CFAP418: variants seen among roughly 807,000 people sequenced by gnomAD.
The protein encoded by CFAP418 is cilia and flagella associated protein 418, also known as cilia- and flagella-associated protein 418.
CFAP418 carries 27 observed loss-of-function variants against 24.7 expected under a neutral mutation model. That is an observed-to-expected ratio of 1.09 (90% CI 0.81 to 1.51). The LOEUF is 1.51. CFAP418 is among the 40% of genes most tolerant of loss of function. CFAP418 has a pLI of 0.00. For synonymous variants in CFAP418, 74 were observed against 87.3 expected, an observed-to-expected ratio of 0.85 and a Z score of 0.85; for missense variants, 257 against 255.2, an observed-to-expected ratio of 1.01 and a Z score of -0.05.
intron 4 of CFAP418, among the ~76,000 whole-genome samples, chr8:95,252,769 A>G (rs1811728876): frequency 6.6e-6 from 1 of 152,218 alleles, no homozygotes; most frequent in African/African-American, 2.4e-5. Context: ...ACAACTTGGC[A>G]TAATGCATTC....
intron 4 of CFAP418, among the ~76,000 whole-genome samples, chr8:95,258,571 A>G (rs1470063056): frequency 1.3e-5 from 2 of 152,122 alleles, no homozygotes; most frequent in Non-Finnish European, 2.9e-5. Flanking sequence ...GGTTAATATT[A>G]TTAAAGACAT....
Position 95,255,772 on chromosome 8 carries a change from T to C in CFAP418, c.375-3489A>G, listed in dbSNP as rs527698542. 2.6e-5 allele frequency among the ~76,000 whole-genome samples: 4 copies of C among 152,346 alleles called. No homozygotes were observed. In the South Asian group the frequency reaches 8.3e-4, roughly 32 times the overall value. On this transcript the variant is annotated intron_variant, in intron 4 of 5. Coordinates refer to ENST00000286688, the MANE Select transcript of CFAP418 (RefSeq NM_177965.4). ...GAGGTAAAAATTCTTGATCAGCATCTTGGGTTTTTCTCTTGTGGAGCAGGT... is the reference window on the plus strand; with the variant it reads ...GAGGTAAAAATTCTTGATCAGCATCCTGGGTTTTTCTCTTGTGGAGCAGGT...
chr8:95,261,857 T>C (rs1811898907), intron 2 of CFAP418, among the ~76,000 whole-genome samples: 1 of 152,236 alleles, frequency 6.6e-6, no homozygotes, highest in Admixed American at 6.5e-5. Flanking sequence ...TGCACCCTAT[T>C]GGTACTTAAT....
chr8:95,247,416 A>G lies in CFAP418; in HGVS notation c.*201T>C. 3.5e-6 allele frequency: 2 copies of G among 571,972 alleles called. No homozygotes were observed. The highest frequency in any genetic ancestry group is 3.4e-5 in the Admixed American group (1 of 29,496). The allele number at this position is 571,972 out of a possible 1,614,324, so 35.4% of individuals were successfully genotyped here. A position where few individuals can be genotyped will look rare whatever the true frequency, so the allele number is the denominator to read the frequency against. On this transcript the variant is annotated 3_prime_UTR_variant, in exon 6 of 6. Coordinates refer to ENST00000286688, the MANE Select transcript of CFAP418 (RefSeq NM_177965.4). ...CTGTTACTAAGTGAAACATCCATGT[A>G]TCAGGAATAATTCCAAAGTGTTATA...
chr8:95,265,066 T>G (rs931356307), intron 1 of CFAP418, among the ~76,000 whole-genome samples: 4 of 152,218 alleles, frequency 2.6e-5, no homozygotes, highest in Non-Finnish European at 5.9e-5. Context: ...GTGCTAATCC[T>G]AGGCGGGGGT....
intron 5 of CFAP418, 24 bp downstream of exon 5, chr8:95,252,164 G>T: frequency 6.5e-7 from 1 of 1,549,510 alleles, no homozygotes; most frequent in Non-Finnish European, 8.9e-7. Context: ...ACTTTTTTCA[G>T]AGTGAAGTTC....
chr8:95,265,120 C>T (rs997449890), intron 1 of CFAP418, among the ~76,000 whole-genome samples: 4 of 152,056 alleles, frequency 2.6e-5, no homozygotes, highest in Admixed American at 2.6e-4. Context: ...AGATAATTCT[C>T]TGGGGTGTGT....
rs775635185 is a variant in CFAP418, at chr8:95,269,130, G to T, written c.60C>A (p.Asp20Glu). The change falls in exon 1 of 6, where the codon GAC becomes GAA. Residue 20 changes from aspartate to glutamate, a missense_variant. Physicochemically the swap from Asp to Glu is conservative, Grantham distance 45. Coordinates refer to ENST00000286688, the MANE Select transcript of CFAP418 (RefSeq NM_177965.4). The stretch of plus-strand genomic sequence containing the variant: ...GCTCGACCATACCCCGTCTTAGAAG[G>T]TCAGGTGTGCAAAACTTGGACTCGA... ...DEVESKFCTP[D>E]LLRRGMVEQP... is the part of the protein sequence containing the mutation. 1.2e-6 allele frequency: 2 copies of T among 1,614,134 alleles called. No individual in the cohort carries two copies. Among genetic ancestry groups the T allele is most frequent in the African/African-American group, 2.7e-5 (2 of 74,944 alleles).
At chr8:95,268,877 C>G in intron 1 of CFAP418, 158 bp downstream of exon 1, 1 of 753,666 alleles carries the variant, frequency 1.3e-6, no homozygotes, top group Non-Finnish European at 2.2e-6. Context: ...TCGACGAATG[C>G]GCTGCCGCGG....
At position 95,245,744 on chromosome 8, in the gene CFAP418, A is replaced by G. The variant is rs1324746397; in HGVS notation, c.*1873T>C. On this transcript the variant is annotated 3_prime_UTR_variant, in exon 6 of 6. Coordinates refer to ENST00000286688, the MANE Select transcript of CFAP418 (RefSeq NM_177965.4). The stretch of plus-strand genomic sequence containing the variant: ...CAGAGTGACACTCCATCTCAAAAAA[A>G]AAATTTTTTTTTTCAAATTAGTGAT... 6.6e-6 allele frequency: 1 copy of G among 152,316 alleles called. No individual in the cohort carries two copies. Among genetic ancestry groups the G allele is most frequent in the African/African-American group, 2.4e-5 (1 of 41,566 alleles). 9.4% of individuals were successfully genotyped at this position (152,316 alleles called of 1,614,324 possible).
intron 4 of CFAP418, 147 bp downstream of exon 4, chr8:95,259,692 TA>T: frequency 2.9e-6 from 2 of 681,530 alleles, no homozygotes; most frequent in Non-Finnish European, 5.1e-6. Context: ...CTCCCAAGAA[TA>T]AAAAACAAAG....
At chr8:95,267,316 CACTG>C (rs201872420) in intron 1 of CFAP418, among the ~76,000 whole-genome samples, 2,530 of 152,264 alleles carry the variant, frequency 0.017, 42 homozygotes, top group Non-Finnish European at 0.019. Context: ...AAATAAATGT[CACTG>C]ACTGGGCACG....
intron 2 of CFAP418, among the ~76,000 whole-genome samples, chr8:95,261,577 A>G (rs1158047031): frequency 6.6e-6 from 1 of 152,164 alleles, no homozygotes; most frequent in Non-Finnish European, 1.5e-5. Flanking sequence ...ACGTTGGCAT[A>G]GACTATCTGT....
intron 4 of CFAP418, 123 bp downstream of exon 4, chr8:95,259,717 G>A: frequency 1.4e-6 from 1 of 726,560 alleles, no homozygotes; most frequent in East Asian, 2.9e-5. Flanking sequence ...TCTTAGATTA[G>A]CTAATAAAAA....
chr8:95,263,192 T>C (rs1228409355), intron 2 of CFAP418, among the ~76,000 whole-genome samples: 2 of 152,174 alleles, frequency 1.3e-5, no homozygotes, highest in African/African-American at 4.8e-5. Context: ...GTGGCTGTCA[T>C]GGTATGTTCA....
intron 1 of CFAP418, among the ~76,000 whole-genome samples, chr8:95,265,661 C>T (rs1199877919): frequency 6.6e-6 from 1 of 152,194 alleles, no homozygotes; most frequent in Non-Finnish European, 1.5e-5. Context: ...TTTCAAGAAT[C>T]AGATACATCC....
chr8:95,259,802 A>G (rs1336126203), intron 4 of CFAP418, 38 bp downstream of exon 4: 2 of 1,500,952 alleles, frequency 1.3e-6, no homozygotes, highest in East Asian at 2.3e-5. Context: ...TTTGGAAAAA[A>G]CCTAGTAAGA....
chr8:95,265,157 T>C (rs1811956673), intron 1 of CFAP418, among the ~76,000 whole-genome samples: 1 of 152,064 alleles, frequency 6.6e-6, no homozygotes, highest in Admixed American at 6.5e-5. Flanking sequence ...CTGTTGTATA[T>C]TGCAGGACAT....
chr8:95,245,630 T>G lies in CFAP418; in HGVS notation c.*1987A>C, dbSNP rs1430486859. 6.6e-6 allele frequency: 1 copy of G among 152,080 alleles called. No individual in the cohort carries two copies. Among genetic ancestry groups the G allele is most frequent in the Non-Finnish European group, 1.5e-5 (1 of 68,042 alleles). 9.4% of individuals were successfully genotyped at this position (152,080 alleles called of 1,614,324 possible). A position where few individuals can be genotyped will look rare whatever the true frequency, so the allele number is the denominator to read the frequency against. ...GGTGTGTGCCTGTAATCCCAGCTAC[T>G]GGGGAGGCTGAGGCAGGACAATCAC... On this transcript the variant is annotated 3_prime_UTR_variant, in exon 6 of 6. Transcript: ENST00000286688.
Sources: gnomAD v4.1 joint callset for allele counts (sites outside exome capture counted in the v4.1 genomes callset) on GRCh38, gnomAD v4.1.1 for gene constraint, MANE v1.5 for transcripts, NCBI Gene and HGNC (gene_info 2026-07-23, HGNC 2026-07-21) for gene names.